CCSER1: variants seen among roughly 807,000 people sequenced by gnomAD.
CCSER1 encodes the protein serine-rich coiled-coil domain-containing protein 1.
In CCSER1, 41 loss-of-function variants were observed where a neutral mutation model predicts 82.0. The observed-to-expected ratio is 0.50, with a 90% CI of 0.39 to 0.65. CCSER1 has a LOEUF of 0.65. CCSER1 is among the 30% of genes least tolerant of loss of function. CCSER1 has a pLI of 0.00. For synonymous variants in CCSER1, 414 were observed against 383.9 expected, an observed-to-expected ratio of 1.08 and a Z score of -0.92; for missense variants, 1,119 against 1,064.2, an observed-to-expected ratio of 1.05 and a Z score of -0.72.
At chr4:90,759,732 C>T (rs12509471) in intron 7 of CCSER1, among the ~76,000 whole-genome samples, 40,487 of 151,980 alleles carry the variant, frequency 0.27, 5,991 homozygotes, top group East Asian at 0.34. Context: ...GTGGTTTTCA[C>T]GATCTGATAC....
At chr4:90,398,141 A>C (rs1190663342) in intron 3 of CCSER1, among the ~76,000 whole-genome samples, 2 of 152,086 alleles carry the variant, frequency 1.3e-5, no homozygotes, top group African/African-American at 4.8e-5. Flanking sequence ...ATGGTTCATC[A>C]CATCTCTGTG....
At chr4:90,751,044 A>G (rs1325460972) in intron 7 of CCSER1, among the ~76,000 whole-genome samples, 2 of 152,138 alleles carry the variant, frequency 1.3e-5, no homozygotes, top group African/African-American at 4.8e-5. Flanking sequence ...TTTCATGAAA[A>G]GATTTAACGA....
At chr4:91,125,389 A>T (rs2148898269) in intron 10 of CCSER1, among the ~76,000 whole-genome samples, 1 of 151,854 alleles carries the variant, frequency 6.6e-6, no homozygotes, top group South Asian at 2.1e-4. Context: ...CATATCAAGA[A>T]TTCCCACAGT....
chr4:91,556,863 T>C (rs990959654), intron 10 of CCSER1, among the ~76,000 whole-genome samples: 2 of 151,176 alleles, frequency 1.3e-5, no homozygotes, highest in African/African-American at 4.9e-5. Flanking sequence ...ATGAAATGAT[T>C]AGAATGTTTT....
intron 10 of CCSER1, among the ~76,000 whole-genome samples, chr4:91,449,832 G>A (rs920524467): frequency 1.3e-5 from 2 of 152,018 alleles, no homozygotes; most frequent in African/African-American, 4.8e-5. Flanking sequence ...GATAGAATTG[G>A]TCACTGTTAA....
intron 1 of CCSER1, among the ~76,000 whole-genome samples, chr4:90,262,114 G>A (rs886688239): frequency 2.0e-5 from 3 of 151,566 alleles, no homozygotes; most frequent in African/African-American, 4.9e-5. Context: ...TTTCATCTTG[G>A]TTTGGATCCA....
intron 10 of CCSER1, among the ~76,000 whole-genome samples, chr4:91,370,395 T>C (rs975085282): frequency 6.6e-6 from 1 of 152,140 alleles, no homozygotes; most frequent in African/African-American, 2.4e-5. Flanking sequence ...AAATGTGTTA[T>C]TTCTTTTAAA....
At chr4:90,159,202 T>TTTA (rs960867070) in intron 1 of CCSER1, among the ~76,000 whole-genome samples, 46 of 151,652 alleles carry the variant, frequency 3.0e-4, no homozygotes, top group South Asian at 1.3e-3. Flanking sequence ...ACTGGTTAAT[T>TTTA]TTATTATTAT....
intron 5 of CCSER1, among the ~76,000 whole-genome samples, chr4:90,565,049 T>TC (rs1257732419): frequency 1.3e-5 from 2 of 152,046 alleles, no homozygotes; most frequent in African/African-American, 4.8e-5. Flanking sequence ...TTTTTTTTTT[T>TC]CTGTGAAGAT....
At chr4:91,259,738 A>G (rs1270737293) in intron 10 of CCSER1, among the ~76,000 whole-genome samples, 1 of 152,168 alleles carries the variant, frequency 6.6e-6, no homozygotes, top group East Asian at 1.9e-4. Flanking sequence ...GAAGGCTTCC[A>G]GCTTCATCCA....
At chr4:91,250,211 TG>T (rs1001355486) in intron 10 of CCSER1, among the ~76,000 whole-genome samples, 2 of 152,182 alleles carry the variant, frequency 1.3e-5, no homozygotes, top group African/African-American at 4.8e-5. Flanking sequence ...TTCTATCATC[TG>T]TCCAGATGGC....
intron 3 of CCSER1, among the ~76,000 whole-genome samples, chr4:90,327,172 G>A (rs1738375574): frequency 6.6e-6 from 1 of 152,234 alleles, no homozygotes; most frequent in African/African-American, 2.4e-5. Context: ...TGGATCACAG[G>A]CTAGCTGCTT....
At chr4:91,277,052 T>A (rs543000093) in intron 10 of CCSER1, among the ~76,000 whole-genome samples, 2 of 152,226 alleles carry the variant, frequency 1.3e-5, no homozygotes, top group East Asian at 3.9e-4. Flanking sequence ...AGATTTGATT[T>A]GCTGGTATTT....
intron 5 of CCSER1, among the ~76,000 whole-genome samples, chr4:90,553,309 T>C (rs1442409935): frequency 6.6e-6 from 1 of 152,170 alleles, no homozygotes. Context: ...ATATTGGTGG[T>C]GTGCTAATGG....
intron 10 of CCSER1, among the ~76,000 whole-genome samples, chr4:91,387,100 T>C (rs1338329869): frequency 6.6e-6 from 1 of 152,006 alleles, no homozygotes; most frequent in Admixed American, 6.6e-5. Flanking sequence ...AATATTGTAG[T>C]AATGTTAAAT....
chr4:91,170,686 A>G (rs1306445786), intron 10 of CCSER1, among the ~76,000 whole-genome samples: 2 of 152,196 alleles, frequency 1.3e-5, no homozygotes, highest in African/African-American at 4.8e-5. Flanking sequence ...ATTGTATAAG[A>G]TTACACACCC....
chr4:90,900,471 G>A (rs1724469351), intron 8 of CCSER1, among the ~76,000 whole-genome samples: 1 of 151,812 alleles, frequency 6.6e-6, no homozygotes, highest in African/African-American at 2.4e-5. Context: ...CTTTTTCTGT[G>A]TCACAGAAGT....
At chr4:91,362,861 C>G (rs1009038729) in intron 10 of CCSER1, among the ~76,000 whole-genome samples, 1 of 151,806 alleles carries the variant, frequency 6.6e-6, no homozygotes, top group Non-Finnish European at 1.5e-5. Context: ...GCCATGTTCT[C>G]CCTCTGCTCT....
At chr4:90,817,341 C>T (rs1021314856) in intron 8 of CCSER1, among the ~76,000 whole-genome samples, 3 of 151,878 alleles carry the variant, frequency 2.0e-5, no homozygotes, top group African/African-American at 7.3e-5. Flanking sequence ...TTTTTCTCAG[C>T]ATTAGTTATG....
Sources: gnomAD v4.1 joint callset for allele counts (sites outside exome capture counted in the v4.1 genomes callset) on GRCh38, gnomAD v4.1.1 for gene constraint, MANE v1.5 for transcripts, NCBI Gene and HGNC (gene_info 2026-07-23, HGNC 2026-07-21) for gene names.